Variants in DENND1B observed in about 807,000 individuals in gnomAD.
The protein encoded by DENND1B is DENN domain containing 1B, also known as DENN domain-containing protein 1B.
Under a neutral mutation model 90.1 loss-of-function variants are expected in DENND1B, and 59 were observed. That is an observed-to-expected ratio of 0.65 (90% CI 0.53 to 0.81). DENND1B has a LOEUF of 0.81. Ranked by LOEUF, DENND1B falls within the 40% of genes least tolerant of loss-of-function variation. The pLI is 0.00. For synonymous variants in DENND1B, 337 were observed against 324.6 expected (o/e 1.04, Z -0.41); for missense variants, 862 against 912.6 (o/e 0.94, Z 0.71).
chr1:197,539,191 A>G (rs1670143730), intron 20 of DENND1B, among the ~76,000 whole-genome samples: 1 of 152,164 alleles, frequency 6.6e-6, no homozygotes, highest in African/African-American at 2.4e-5. Context: ...GCCACTGATC[A>G]GTTATGAGAC....
intron 2 of DENND1B, among the ~76,000 whole-genome samples, chr1:197,752,154 TAAA>T (rs773389678): frequency 8.6e-5 from 13 of 151,374 alleles, no homozygotes; most frequent in Non-Finnish European, 1.5e-4. Flanking sequence ...ACAAGACTAA[TAAA>T]AAAAGAGAGG....
intron 3 of DENND1B, among the ~76,000 whole-genome samples, chr1:197,686,889 C>T (rs761737834): frequency 1.3e-5 from 2 of 152,262 alleles, no homozygotes; most frequent in South Asian, 4.1e-4. Context: ...TTGGGCTCTC[C>T]AGCCAGAATG....
chr1:197,574,390 T>C (rs985570659), intron 15 of DENND1B, among the ~76,000 whole-genome samples: 55 of 152,188 alleles, frequency 3.6e-4, no homozygotes, highest in African/African-American at 1.1e-3. Context: ...ACAAGGGATG[T>C]GAAGGACCTC....
rs532130697 is a variant in DENND1B, at chr1:197,611,661, C to A, written c.819+270G>T. 1.0e-4 allele frequency among the ~76,000 whole-genome samples: 15 copies of A among 150,730 alleles called. No homozygotes were observed. In the East Asian group the frequency reaches 2.9e-3, roughly 30 times the overall value. ...ATAAAAAAAGGCAACTGATCAAGGACTGAAGTTTTAGTATTTAAAACTTAC... is the reference window on the plus strand; with the variant it reads ...ATAAAAAAAGGCAACTGATCAAGGAATGAAGTTTTAGTATTTAAAACTTAC... On this transcript the variant is annotated intron_variant, in intron 12 of 22. Coordinates refer to ENST00000620048, the MANE Select transcript of DENND1B (RefSeq NM_001195215.2).
intron 15 of DENND1B, among the ~76,000 whole-genome samples, chr1:197,556,930 C>T (rs182303120): frequency 5.4e-4 from 82 of 152,044 alleles, no homozygotes; most frequent in African/African-American, 2.0e-3. Context: ...TGGCAAAATA[C>T]CTGCCATAAA....
At chr1:197,697,461 T>C (rs1031074461) in intron 3 of DENND1B, among the ~76,000 whole-genome samples, 1 of 151,748 alleles carries the variant, frequency 6.6e-6, no homozygotes, top group Non-Finnish European at 1.5e-5. Context: ...ATCTGAACTA[T>C]ATGGCAGTGT....
intron 3 of DENND1B, among the ~76,000 whole-genome samples, chr1:197,713,746 A>G (rs1310398360): frequency 1.1e-5 from 1 of 90,110 alleles, no homozygotes; most frequent in Non-Finnish European, 2.1e-5. Context: ...AAAAAAAAAA[A>G]TTAAAAAAAA....
At chr1:197,677,675 C>A (rs999226312) in intron 3 of DENND1B, among the ~76,000 whole-genome samples, 3 of 152,152 alleles carry the variant, frequency 2.0e-5, no homozygotes, top group African/African-American at 7.2e-5. Context: ...ACACGAAACC[C>A]ACAAGGGTCC....
At chr1:197,617,834 AC>A in intron 10 of DENND1B, 75 bp from the exon 11 acceptor site, 1 of 944,282 alleles carries the variant, frequency 1.1e-6, no homozygotes, top group Non-Finnish European at 1.7e-6. Flanking sequence ...CAATGTATCA[AC>A]AATGAACAGT....
chr1:197,658,517 G>C, intron 5 of DENND1B, 148 bp from the exon 6 acceptor site: 1 of 519,864 alleles, frequency 1.9e-6, no homozygotes. Context: ...TTTCAGCAAA[G>C]TTTTACATAT....
chr1:197,665,536 A>G (rs891447807), intron 5 of DENND1B, among the ~76,000 whole-genome samples: 27 of 152,164 alleles, frequency 1.8e-4, no homozygotes, highest in African/African-American at 6.3e-4. Flanking sequence ...GCCACATAGT[A>G]TCATTAGTAT....
At chr1:197,752,912 G>T (rs996482249) in intron 2 of DENND1B, among the ~76,000 whole-genome samples, 1 of 151,890 alleles carries the variant, frequency 6.6e-6, no homozygotes, top group African/African-American at 2.4e-5. Context: ...GTGATAGTTT[G>T]CTCAGAATGA....
intron 15 of DENND1B, among the ~76,000 whole-genome samples, chr1:197,579,217 T>C (rs1293541764): frequency 6.6e-6 from 1 of 152,188 alleles, no homozygotes; most frequent in Non-Finnish European, 1.5e-5. Flanking sequence ...AGTGGACACA[T>C]TAATGAAACC....
intron 20 of DENND1B, among the ~76,000 whole-genome samples, chr1:197,525,679 G>A (rs1256670450): frequency 6.6e-6 from 1 of 151,986 alleles, no homozygotes; most frequent in Non-Finnish European, 1.5e-5. Context: ...ATATTTGTTA[G>A]TAAAATAATT....
intron 15 of DENND1B, among the ~76,000 whole-genome samples, chr1:197,560,465 A>C (rs1672071297): frequency 6.6e-6 from 1 of 151,910 alleles, no homozygotes; most frequent in Admixed American, 6.6e-5. Context: ...GGAAGTTAGG[A>C]AATCTAGGGC....
intron 15 of DENND1B, among the ~76,000 whole-genome samples, chr1:197,572,706 G>C (rs1673283565): frequency 6.6e-6 from 1 of 152,188 alleles, no homozygotes; most frequent in South Asian, 2.1e-4. Context: ...CTGGGACGAA[G>C]CTTCCAGAGG....
chr1:197,555,185 C>G (rs902770041), intron 15 of DENND1B, among the ~76,000 whole-genome samples: 1 of 151,974 alleles, frequency 6.6e-6, no homozygotes, highest in Admixed American at 6.6e-5. Flanking sequence ...AAAATTAACT[C>G]AAGGTGAATT....
In DENND1B at chr1:197,553,130, CAAAT is replaced by C. The variant is rs1558232636; in HGVS notation, c.1150-22_1150-19del. 1 of 1,503,388 alleles carries C rather than the reference CAAAT, an allele frequency of 6.7e-7. No individual in the cohort carries two copies. Among genetic ancestry groups the C allele is most frequent in the Non-Finnish European group, 8.9e-7 (1 of 1,124,866 alleles). 93.1% of individuals were successfully genotyped at this position (1,503,388 alleles called of 1,614,324 possible). A position where few individuals can be genotyped will look rare whatever the true frequency, so the allele number is the denominator to read the frequency against. On this transcript the variant is annotated intron_variant, in intron 15 of 22. Transcript: ENST00000620048. ...TCGATAAACTAGAATTAAAAAGTGT[CAAAT>C]AAAATGTATCAAATAAAATGTTATC...
chr1:197,525,844 A>T (rs1347443802), intron 20 of DENND1B, among the ~76,000 whole-genome samples: 1 of 152,056 alleles, frequency 6.6e-6, no homozygotes, highest in East Asian at 1.9e-4. Flanking sequence ...TTGGTGTCAG[A>T]ATCAAATAAT....
Sources: gnomAD v4.1 joint callset for allele counts (sites outside exome capture counted in the v4.1 genomes callset) on GRCh38, gnomAD v4.1.1 for gene constraint, MANE v1.5 for transcripts, NCBI Gene and HGNC (gene_info 2026-07-23, HGNC 2026-07-21) for gene names.